KAZN: variants seen among roughly 807,000 people sequenced by gnomAD.
KAZN encodes kazrin, periplakin interacting protein.
A neutral mutation model predicts 87.4 loss-of-function variants in KAZN; 40 were observed. The ratio of observed to expected loss-of-function variants is 0.46; its 90% CI spans 0.36 to 0.60. The LOEUF is 0.60. Among genes scored for constraint, KAZN ranks in the 20% least tolerant of loss-of-function variants. The probability of loss-of-function intolerance (pLI) is 0.00; values close to 1 mark genes in which losing one functional copy is unlikely to be tolerated. For synonymous variants in KAZN, 466 were observed against 458.3 expected, an observed-to-expected ratio of 1.02 and a Z score of -0.22; for missense variants, 898 against 1,073.9, an observed-to-expected ratio of 0.84 and a Z score of 2.29.
chr1:14,231,104 A>C (rs1343066978), intron 2 of KAZN, among the ~76,000 whole-genome samples: 1 of 152,218 alleles, frequency 6.6e-6, no homozygotes, highest in Admixed American at 6.5e-5. Context: ...TGGTTCTATT[A>C]TCACTCTATA....
intron 2 of KAZN, among the ~76,000 whole-genome samples, chr1:14,975,696 A>T (rs1007058230): frequency 6.6e-6 from 1 of 152,084 alleles, no homozygotes; most frequent in African/African-American, 2.4e-5. Context: ...ACATGAAAAG[A>T]TTGAGGCCCA....
At chr1:14,929,896 C>T (rs531200942) in intron 1 of KAZN, 14 of 985,422 alleles carry the variant, frequency 1.4e-5, no homozygotes, top group South Asian at 9.4e-5. Flanking sequence ...GGCTTTCTCT[C>T]GTCTGCTTTT....
At chr1:15,082,353 A>G (rs1640042930) in intron 8 of KAZN, among the ~76,000 whole-genome samples, 1 of 152,180 alleles carries the variant, frequency 6.6e-6, no homozygotes, top group South Asian at 2.1e-4. Flanking sequence ...GCATCCAGGC[A>G]CACATTTGAC....
intron 1 of KAZN, among the ~76,000 whole-genome samples, chr1:14,904,399 T>G (rs1388293427): frequency 6.6e-6 from 1 of 151,922 alleles, no homozygotes; most frequent in Non-Finnish European, 1.5e-5. Flanking sequence ...TGGCACATGG[T>G]AGATGCCTAA....
intron 2 of KAZN, among the ~76,000 whole-genome samples, chr1:14,244,270 G>A (rs964074216): frequency 2.0e-5 from 3 of 152,094 alleles, no homozygotes; most frequent in South Asian, 2.1e-4. Context: ...CCTTCTCATT[G>A]AGATATTGCT....
intron 1 of KAZN, among the ~76,000 whole-genome samples, chr1:14,130,628 A>AAGT (rs5772564): frequency 0.57 from 86,479 of 151,576 alleles, 25,899 homozygotes; most frequent in East Asian, 0.76. Context: ...TCCTGAGTAA[A>AAGT]AGTAGTCCTT....
intron 1 of KAZN, among the ~76,000 whole-genome samples, chr1:14,129,383 A>G (rs976387154): frequency 7.9e-5 from 12 of 152,184 alleles, no homozygotes; most frequent in South Asian, 6.2e-4. Context: ...CAAATATGTC[A>G]GCTTTTTCTT....
intron 1 of KAZN, among the ~76,000 whole-genome samples, chr1:14,847,386 C>A (rs966575434): frequency 2.6e-5 from 4 of 152,290 alleles, no homozygotes; most frequent in African/African-American, 9.6e-5. Flanking sequence ...TTGCTCTGCC[C>A]AGAGTCTCAA....
chr1:13,956,338 A>T (rs1162131637), intron 1 of KAZN, among the ~76,000 whole-genome samples: 3 of 146,372 alleles, frequency 2.0e-5, no homozygotes, highest in Non-Finnish European at 4.5e-5. Flanking sequence ...ATTTATAAAA[A>T]TGTCAGCTTG....
In KAZN at chr1:15,056,838, G is replaced by A. The variant is rs550802142; in HGVS notation, c.916+558G>A. Among the ~76,000 whole-genome samples the A allele has an allele frequency of 2.6e-5, 4 of 152,354 alleles. No individual in the cohort carries two copies. In the East Asian group the frequency reaches 7.7e-4, roughly 29 times the overall value. On this transcript the variant is annotated intron_variant, in intron 5 of 14. Transcript: ENST00000376030. This position sits in a 1 kb window ranked among gnomAD's most constrained non-coding sequence, Gnocchi z 5.4. ...GGCAGGGAAGTCTGGCCTGTGGACA[G>A]CATCTGCACCTACTGCCCATGGAAC...
intron 2 of KAZN, among the ~76,000 whole-genome samples, chr1:14,342,036 T>A (rs2100909567): frequency 6.6e-6 from 1 of 152,322 alleles, no homozygotes; most frequent in Non-Finnish European, 1.5e-5. Flanking sequence ...CATGTGTCCG[T>A]GCGTTCTCAT....
chr1:14,470,000 A>C (rs1038963298), intron 2 of KAZN, among the ~76,000 whole-genome samples: 2 of 152,212 alleles, frequency 1.3e-5, no homozygotes, highest in East Asian at 3.8e-4. Flanking sequence ...GAACACTATT[A>C]GGAGGGAGTA....
At chr1:14,609,957 G>A (rs917714565) in intron 1 of KAZN, among the ~76,000 whole-genome samples, 2 of 152,244 alleles carry the variant, frequency 1.3e-5, no homozygotes, top group African/African-American at 4.8e-5. Context: ...ATGGCTGGGT[G>A]AAGTCTGACC....
chr1:13,993,577 T>G (rs1021882462), intron 1 of KAZN, among the ~76,000 whole-genome samples: 1 of 152,232 alleles, frequency 6.6e-6, no homozygotes, highest in African/African-American at 2.4e-5. Context: ...CAAGTACTGA[T>G]TAGCATCTAA....
At chr1:14,357,025 C>T (rs1297032773) in intron 2 of KAZN, among the ~76,000 whole-genome samples, 4 of 152,252 alleles carry the variant, frequency 2.6e-5, no homozygotes, top group African/African-American at 9.6e-5. Flanking sequence ...GCAGTATGGC[C>T]ATTTTCACGA....
intron 2 of KAZN, among the ~76,000 whole-genome samples, chr1:14,538,645 T>C (rs1672637178): frequency 6.6e-6 from 1 of 152,212 alleles, no homozygotes; most frequent in Non-Finnish European, 1.5e-5. Flanking sequence ...GCTGTCATCT[T>C]GGCAACACGT....
intron 2 of KAZN, among the ~76,000 whole-genome samples, chr1:14,988,559 G>A (rs919806438): frequency 7.2e-5 from 11 of 152,248 alleles, no homozygotes; most frequent in Non-Finnish European, 1.2e-4. Context: ...TTTTCCTGAT[G>A]CGAGAAAAGC....
Position 14,628,559 on chromosome 1 carries a change from G to A in KAZN, c.226+29336G>A, listed in dbSNP as rs147942865. Among the ~76,000 whole-genome samples the A allele has an allele frequency of 4.1e-3, 625 of 152,304 alleles. 3 individuals carry two copies. The highest frequency in any genetic ancestry group is 0.024 in the Middle Eastern group (7 of 294). On this transcript the variant is annotated intron_variant, in intron 1 of 14. Transcript: ENST00000376030. ...TTCATTTATTGTCCCAAGTAAAAGCGAAGGCATTTTATGTGGTTTAATAGT... is the reference window on the plus strand; with the variant it reads ...TTCATTTATTGTCCCAAGTAAAAGCAAAGGCATTTTATGTGGTTTAATAGT...
chr1:14,056,040 A>G (rs1260035845), intron 1 of KAZN, among the ~76,000 whole-genome samples: 1 of 151,960 alleles, frequency 6.6e-6, no homozygotes. Flanking sequence ...TTGCTCTGTG[A>G]CTCATAATCT....
Sources: allele counts gnomAD v4.1 joint callset (sites outside exome capture counted in the v4.1 genomes callset), GRCh38; gene constraint gnomAD v4.1.1; non-coding constraint Gnocchi (gnomAD v3.1); transcripts MANE v1.5; gene names NCBI Gene and HGNC (gene_info 2026-07-23, HGNC 2026-07-21).